The following COL10A1 variants were observed in gnomAD, a reference collection of about 807,000 sequenced individuals.
COL10A1 encodes collagen alpha-1(X) chain.
COL10A1 carries 10 observed loss-of-function variants against 18.2 expected under a neutral mutation model. The ratio of observed to expected loss-of-function variants is 0.55; its 90% CI spans 0.34 to 0.93. The LOEUF is 0.93. Ranked by LOEUF, COL10A1 falls within the 40% of genes least tolerant of loss-of-function variation. COL10A1 has a pLI of 0.02. For missense variants in COL10A1, 897 were observed against 853.5 expected (o/e 1.05, Z -0.64); for synonymous variants, 330 against 316.6 (o/e 1.04, Z -0.45).
the COL10A1 span, among the ~76,000 whole-genome samples, chr6:116,202,840 G>A: frequency 6.6e-6 from 1 of 152,030 alleles, no homozygotes; most frequent in Admixed American, 6.6e-5. Flanking sequence ...AAAAGTGACA[G>A]TTCTTAATTA....
intron 1 of COL10A1, among the ~76,000 whole-genome samples, chr6:116,154,972 T>C (rs1780147832): frequency 6.6e-6 from 1 of 152,312 alleles, no homozygotes; most frequent in East Asian, 1.9e-4. Context: ...AACCACATTG[T>C]TCTTTCTGTT....
chr6:116,181,494 A>G, the COL10A1 span, among the ~76,000 whole-genome samples: 1 of 152,124 alleles, frequency 6.6e-6, no homozygotes, highest in Non-Finnish European at 1.5e-5. Context: ...CTAGGAATAG[A>G]AAAGAACTTC....
At chr6:116,186,595 C>A in the COL10A1 span, among the ~76,000 whole-genome samples, 1 of 151,724 alleles carries the variant, frequency 6.6e-6, no homozygotes, top group African/African-American at 2.4e-5. Context: ...TTTTCTTTGT[C>A]TTTGTTGGAT....
upstream of COL10A1, among the ~76,000 whole-genome samples, chr6:116,159,831 A>G (rs1050966774): frequency 2.6e-5 from 4 of 151,878 alleles, no homozygotes; most frequent in African/African-American, 4.8e-5. Flanking sequence ...CTTTATGTCC[A>G]TGTGTACTTC....
At position 116,120,332 on chromosome 6, in the gene COL10A1, C is replaced by T. The variant is rs111033553; in HGVS notation, c.1784G>A (p.Gly595Glu). Residue 595 changes from glycine (G) to glutamate (E), a missense_variant, in exon 3 of 3, where the codon GGA (glycine) becomes GAA (glutamate). Physicochemically the swap from Gly to Glu is moderately conservative, Grantham distance 98. Coordinates refer to ENST00000651968, the MANE Select transcript of COL10A1 (RefSeq NM_000493.4). ...CACGTGGTATGAAAAATAGTATATT[C>T]CTGGTATCTGACAAGTAAAGATTCC... ...RTGIFTCQIP[G>E]IYYFSYHVHV... The T allele has an allele frequency of 6.2e-7, 1 of 1,614,206 alleles. No homozygotes were observed. The highest frequency in any genetic ancestry group is 8.5e-7 in the Non-Finnish European group (1 of 1,180,026).
intron 1 of COL10A1, among the ~76,000 whole-genome samples, chr6:116,153,926 TTTC>T (rs1288243511): frequency 6.6e-6 from 1 of 152,172 alleles, no homozygotes; most frequent in Non-Finnish European, 1.5e-5. Context: ...CCAAAAGATT[TTTC>T]AAGTACCATT....
At chr6:116,150,266 G>T (rs544416249) in intron 1 of COL10A1, among the ~76,000 whole-genome samples, 73 of 149,222 alleles carry the variant, frequency 4.9e-4, no homozygotes, top group African/African-American at 1.5e-3. Flanking sequence ...TAAGAAAATG[G>T]TTTTTTTTTT....
At chr6:116,187,438 T>C in the COL10A1 span, among the ~76,000 whole-genome samples, 8 of 152,116 alleles carry the variant, frequency 5.3e-5, no homozygotes, top group African/African-American at 1.9e-4. Flanking sequence ...AGAGGGTCTG[T>C]CCTACAAGAC....
chr6:116,144,216 A>ACCC (rs1779837153), intron 1 of COL10A1, among the ~76,000 whole-genome samples: 1 of 152,142 alleles, frequency 6.6e-6, no homozygotes, highest in Non-Finnish European at 1.5e-5. Context: ...TTAAAGTGTA[A>ACCC]AAGGAGGCCA....
chr6:116,139,723 A>AT (rs1179136901), intron 1 of COL10A1, among the ~76,000 whole-genome samples: 19 of 152,188 alleles, frequency 1.2e-4, no homozygotes, highest in Middle Eastern at 3.4e-3. Context: ...CTTTCTTGTC[A>AT]TGGGAGTAAG....
At chr6:116,193,789 G>C in the COL10A1 span, among the ~76,000 whole-genome samples, 1 of 152,068 alleles carries the variant, frequency 6.6e-6, no homozygotes, top group South Asian at 2.1e-4. Flanking sequence ...AGAGGAGTTG[G>C]GCCAGGCACA....
intron 1 of COL10A1, among the ~76,000 whole-genome samples, chr6:116,138,706 A>C (rs943725648): frequency 2.0e-5 from 3 of 152,200 alleles, no homozygotes; most frequent in African/African-American, 7.2e-5. Flanking sequence ...TTGAATTATT[A>C]CTAATATATG....
chr6:116,187,150 A>G, the COL10A1 span, among the ~76,000 whole-genome samples: 6,151 of 152,142 alleles, frequency 0.04, 193 homozygotes, highest in African/African-American at 0.083. Flanking sequence ...CTAGCCACCC[A>G]GCAGAGCTAC....
intron 1 of COL10A1, among the ~76,000 whole-genome samples, chr6:116,154,234 A>C (rs1562141516): frequency 6.6e-6 from 1 of 152,180 alleles, no homozygotes. Flanking sequence ...GAAATTTAAA[A>C]ATAGTTGATA....
chr6:116,145,257 G>A (rs989656284), intron 1 of COL10A1, among the ~76,000 whole-genome samples: 4 of 151,978 alleles, frequency 2.6e-5, no homozygotes, highest in Non-Finnish European at 4.4e-5. Context: ...TGTTTAGAAA[G>A]GTGTGATATG....
chr6:116,163,043 C>T (rs373829194), upstream of COL10A1, among the ~76,000 whole-genome samples: 4 of 149,306 alleles, frequency 2.7e-5, no homozygotes, highest in East Asian at 2.0e-4. Flanking sequence ...AGGAGAATGG[C>T]GTGAACCCGG....
chr6:116,217,029 C>G, the COL10A1 span, among the ~76,000 whole-genome samples: 2 of 152,192 alleles, frequency 1.3e-5, no homozygotes, highest in African/African-American at 4.8e-5. Context: ...TCCCCTCGGA[C>G]AGCAGCTTTG....
At chr6:116,127,881 G>A (rs1779362293), upstream of COL10A1, among the ~76,000 whole-genome samples, 1 of 152,150 alleles carries the variant, frequency 6.6e-6, no homozygotes, top group African/African-American at 2.4e-5. Context: ...TTGTTCATCT[G>A]TGGCTATTGC....
the COL10A1 span, among the ~76,000 whole-genome samples, chr6:116,197,889 CAT>C: frequency 0.049 from 7,518 of 152,128 alleles, 324 homozygotes; most frequent in African/African-American, 0.11. Context: ...TTTATATACA[CAT>C]GTCTACTTCA....
Sources: allele counts gnomAD v4.1 joint callset (sites outside exome capture counted in the v4.1 genomes callset), GRCh38; gene constraint gnomAD v4.1.1; transcripts MANE v1.5; gene names NCBI Gene and HGNC (gene_info 2026-07-23, HGNC 2026-07-21).